NALF1: variants seen among roughly 807,000 people sequenced by gnomAD.
NALF1 encodes the protein NALCN channel auxiliary factor 1.
NALF1 carries 3 observed loss-of-function variants against 48.4 expected under a neutral mutation model. The observed-to-expected ratio is 0.06, with a 90% CI of 0.03 to 0.16. NALF1 has a LOEUF of 0.16. NALF1 is among the 10% of genes least tolerant of loss of function. The pLI is 1.00. For synonymous variants in NALF1, 262 were observed against 245.7 expected, an observed-to-expected ratio of 1.07 and a Z score of -0.62; for missense variants, 526 against 571.5, an observed-to-expected ratio of 0.92 and a Z score of 0.81.
intron 1 of NALF1, among the ~76,000 whole-genome samples, chr13:107,257,564 C>G (rs552604025): frequency 6.1e-4 from 92 of 151,968 alleles, no homozygotes; most frequent in Non-Finnish European, 1.1e-3. Flanking sequence ...TTTAAGGGCC[C>G]TCAGAGAATC....
At chr13:107,342,416 C>G (rs1014568945) in intron 1 of NALF1, among the ~76,000 whole-genome samples, 1 of 152,064 alleles carries the variant, frequency 6.6e-6, no homozygotes, top group Non-Finnish European at 1.5e-5. Context: ...TGAAAAATGC[C>G]TCAGGATATC....
intron 1 of NALF1, among the ~76,000 whole-genome samples, chr13:107,603,647 A>G (rs1172863800): frequency 6.6e-6 from 1 of 152,212 alleles, no homozygotes; most frequent in East Asian, 1.9e-4. Flanking sequence ...ATCTGACTAT[A>G]AAAACTAAAT....
intron 1 of NALF1, among the ~76,000 whole-genome samples, chr13:107,750,607 A>G (rs1254726338): frequency 1.3e-5 from 2 of 151,986 alleles, no homozygotes; most frequent in African/African-American, 4.8e-5. Flanking sequence ...AACAAAGAAG[A>G]GCAACAAATG....
At chr13:107,861,188 A>C (rs990922102) in intron 1 of NALF1, among the ~76,000 whole-genome samples, 1 of 152,220 alleles carries the variant, frequency 6.6e-6, no homozygotes, top group Non-Finnish European at 1.5e-5. Flanking sequence ...TATTCTCTTC[A>C]ACCTCATAAA....
intron 1 of NALF1, among the ~76,000 whole-genome samples, chr13:107,746,234 T>C (rs1023262887): frequency 2.0e-5 from 3 of 152,186 alleles, no homozygotes; most frequent in African/African-American, 7.2e-5. Flanking sequence ...TCCACCATGA[T>C]TGTAAGTTTC....
chr13:107,650,394 T>TTAAAAAAAA (rs759265883), intron 1 of NALF1, among the ~76,000 whole-genome samples: 4 of 107,668 alleles, frequency 3.7e-5, no homozygotes, highest in East Asian at 3.8e-4. Context: ...CTGCAACCAT[T>TTAAAAAAAA]AAAAAAAAAA....
chr13:107,804,316 G>A (rs1235395715), intron 1 of NALF1, among the ~76,000 whole-genome samples: 4 of 152,038 alleles, frequency 2.6e-5, no homozygotes, highest in Non-Finnish European at 5.9e-5. Context: ...TGCTTCCCTA[G>A]TGCTGGGGAG....
rs1298062822 is a variant in NALF1 at position 107,169,428 on chromosome 13, T to G, written c.*1069A>C. The G allele has an allele frequency of 7.2e-6, 1 of 138,862 alleles. No individual in the cohort carries two copies. The highest frequency in any genetic ancestry group is 2.7e-5 in the African/African-American group (1 of 36,724). 8.6% of individuals were successfully genotyped at this position (138,862 alleles called of 1,614,324 possible). ...TATGTGTCCGCAATCCCTTTGTTTG[T>G]TCCCTGTAATTACAATGGCCAAAAT... On this transcript the variant is annotated 3_prime_UTR_variant, in exon 3 of 3. Coordinates refer to ENST00000375915, the MANE Select transcript of NALF1 (RefSeq NM_001080396.3).
chr13:107,831,245 C>T (rs188473651), intron 1 of NALF1, among the ~76,000 whole-genome samples: 1 of 152,284 alleles, frequency 6.6e-6, no homozygotes, highest in Non-Finnish European at 1.5e-5. Flanking sequence ...GACGATTTGA[C>T]CTCTGGATTA....
At chr13:107,570,883 A>G (rs1158500577) in intron 1 of NALF1, among the ~76,000 whole-genome samples, 3 of 152,148 alleles carry the variant, frequency 2.0e-5, no homozygotes, top group Non-Finnish European at 4.4e-5. Context: ...GAATTTTAAA[A>G]GAGAATGAAA....
At chr13:107,210,888 T>G in intron 1 of NALF1, 133 bp from the exon 2 acceptor site, 1 of 613,724 alleles carries the variant, frequency 1.6e-6, no homozygotes, top group South Asian at 2.1e-5. Flanking sequence ...AGAAAGCGTA[T>G]TTACACAACG....
chr13:107,713,628 T>A (rs1345221146), intron 1 of NALF1, among the ~76,000 whole-genome samples: 1 of 152,228 alleles, frequency 6.6e-6, no homozygotes, highest in Non-Finnish European at 1.5e-5. Context: ...CATTGTGCTA[T>A]TATACTCTTA....
intron 1 of NALF1, among the ~76,000 whole-genome samples, chr13:107,566,991 A>G (rs563525960): frequency 1.8e-4 from 27 of 152,220 alleles, no homozygotes; most frequent in African/African-American, 6.5e-4. Flanking sequence ...TTTTTCCTAT[A>G]TTTTTTCTGA....
chr13:107,337,700 A>T (rs1882586971), intron 1 of NALF1, among the ~76,000 whole-genome samples: 1 of 152,160 alleles, frequency 6.6e-6, no homozygotes, highest in Non-Finnish European at 1.5e-5. Context: ...CACAGAAAAG[A>T]GTTAAGAAAA....
intron 1 of NALF1, among the ~76,000 whole-genome samples, chr13:107,736,966 A>G (rs1594236243): frequency 6.6e-6 from 1 of 152,324 alleles, no homozygotes; most frequent in South Asian, 2.1e-4. Context: ...CCTGCCAACC[A>G]TTGGAGCAGT....
At chr13:107,314,118 AC>A (rs896303767) in intron 1 of NALF1, among the ~76,000 whole-genome samples, 6 of 152,120 alleles carry the variant, frequency 3.9e-5, no homozygotes, top group Non-Finnish European at 7.4e-5. Flanking sequence ...CAAGTCACTG[AC>A]TGTGATTTAC....
intron 1 of NALF1, among the ~76,000 whole-genome samples, chr13:107,737,631 C>T (rs1007727588): frequency 2.6e-5 from 4 of 152,140 alleles, no homozygotes; most frequent in Non-Finnish European, 4.4e-5. Flanking sequence ...GTAAATTTTA[C>T]GTAGCTTCAT....
intron 2 of NALF1, among the ~76,000 whole-genome samples, chr13:107,189,252 A>G (rs556860572): frequency 6.6e-6 from 1 of 152,356 alleles, no homozygotes; most frequent in East Asian, 1.9e-4. Context: ...GCCAAAGAGA[A>G]TATAGTCTAA....
intron 1 of NALF1, among the ~76,000 whole-genome samples, chr13:107,485,565 G>A (rs1156275811): frequency 1.3e-5 from 2 of 152,096 alleles, no homozygotes; most frequent in Non-Finnish European, 2.9e-5. Context: ...ATTGTAAGTA[G>A]GTTGGGAACT....
Sources: allele counts gnomAD v4.1 joint callset (sites outside exome capture counted in the v4.1 genomes callset), GRCh38; gene constraint gnomAD v4.1.1; transcripts MANE v1.5; gene names NCBI Gene and HGNC (gene_info 2026-07-23, HGNC 2026-07-21).